Variants in STK31 observed in about 807,000 individuals in gnomAD.
The protein encoded by STK31 is serine/threonine-protein kinase 31.
Under a neutral mutation model 129.7 loss-of-function variants are expected in STK31, and 89 were observed. The observed-to-expected ratio is 0.69, with a 90% confidence interval of 0.58 to 0.82. STK31 has a LOEUF of 0.82. Ranked by LOEUF, STK31 falls within the 40% of genes least tolerant of loss-of-function variation. The pLI is 0.00. For synonymous variants in STK31, 448 were observed against 395.3 expected, an observed-to-expected ratio of 1.13 and a Z score of -1.58; for missense variants, 1,187 against 1,176.4, an observed-to-expected ratio of 1.01 and a Z score of -0.13.
intron 15 of STK31, among the ~76,000 whole-genome samples, chr7:23,773,933 C>A (rs911604070): frequency 7.3e-5 from 11 of 149,678 alleles, no homozygotes; most frequent in Non-Finnish European, 1.3e-4. Flanking sequence ...CTCCCTGCCA[C>A]CCCCCACCCC....
chr7:23,757,072 C>T (rs1450160548), intron 10 of STK31, among the ~76,000 whole-genome samples: 2 of 152,080 alleles, frequency 1.3e-5, no homozygotes, highest in Admixed American at 6.5e-5. Context: ...ATGGTATCAG[C>T]TGTTCTTTGT....
At chr7:23,742,572 A>G (rs541631134) in intron 8 of STK31, among the ~76,000 whole-genome samples, 126 of 152,278 alleles carry the variant, frequency 8.3e-4, no homozygotes, top group African/African-American at 3.0e-3. Flanking sequence ...GGTTTCTCCT[A>G]TAGCCAATGT....
rs193155224 is a variant in STK31, at chr7:23,765,980, G to C, written c.1417-3015G>C. Among the ~76,000 whole-genome samples the C allele has an allele frequency of 2.6e-3, 392 of 152,260 alleles. 2 individuals are homozygous for C. The highest frequency in any genetic ancestry group is 8.8e-3 in the African/African-American group (366 of 41,550). On this transcript the variant is annotated intron_variant, in intron 11 of 23. Coordinates refer to ENST00000355870, the MANE Select transcript of STK31 (RefSeq NM_031414.5). ...TTAGTCACGGGTTATTATAGATATT[G>C]TGTGTGATAGCTCAGTTAAATAGAC... is the stretch of plus-strand genomic sequence containing the variant.
chr7:23,734,064 C>G (rs1215734518), intron 6 of STK31, among the ~76,000 whole-genome samples: 2 of 152,040 alleles, frequency 1.3e-5, no homozygotes, highest in Non-Finnish European at 2.9e-5. Flanking sequence ...TTCCCCACAC[C>G]CCCTATTTCT....
chr7:23,815,015 G>A lies in STK31; in HGVS notation c.2761-129G>A, dbSNP rs1584491800. On this transcript the variant is annotated intron_variant, in intron 22 of 23. Transcript: ENST00000355870. ...GAATGAAAGTGCTTTTACCCTGTAA[G>A]AGAGTTAATGTGCTTTCTTTAAGTA... is the stretch of plus-strand genomic sequence containing the variant. The A allele has an allele frequency of 6.6e-6, 4 of 604,270 alleles. No homozygotes were observed. The Admixed American group carries it at 1.1e-4, about 17-fold the overall frequency. The allele number at this position is 604,270 out of a possible 1,614,324, so 37.4% of individuals were successfully genotyped here. A position where few individuals can be genotyped will look rare whatever the true frequency, so the allele number is the denominator to read the frequency against.
intron 6 of STK31, among the ~76,000 whole-genome samples, chr7:23,731,764 A>G (rs925804148): frequency 1.3e-5 from 2 of 152,208 alleles, no homozygotes; most frequent in Non-Finnish European, 2.9e-5. Flanking sequence ...TAAAAATTAT[A>G]TGTAGGGTAA....
chr7:23,785,973 C>A (rs1206266536), intron 18 of STK31, among the ~76,000 whole-genome samples: 4 of 151,852 alleles, frequency 2.6e-5, no homozygotes, highest in Non-Finnish European at 5.9e-5. Context: ...TGCACATGTA[C>A]CCTAGAACTT....
chr7:23,743,999 A>G (rs1241603335), intron 8 of STK31, among the ~76,000 whole-genome samples: 1 of 151,970 alleles, frequency 6.6e-6, no homozygotes, highest in East Asian at 1.9e-4. Flanking sequence ...AGCTCACTGC[A>G]GCCTCCAACT....
chr7:23,748,972 A>G (rs1340949194), intron 8 of STK31, among the ~76,000 whole-genome samples: 2 of 152,226 alleles, frequency 1.3e-5, no homozygotes, highest in Non-Finnish European at 2.9e-5. Context: ...TATAGATGTT[A>G]ATTATATCCA....
chr7:23,780,869 G>C (rs1263718320), intron 15 of STK31, among the ~76,000 whole-genome samples: 1 of 152,206 alleles, frequency 6.6e-6, no homozygotes, highest in Admixed American at 6.5e-5. Flanking sequence ...AATAAAATGA[G>C]AAGCTGGTTT....
Position 23,814,149 on chromosome 7 carries a change from A to AT in STK31, c.2761-980dup, listed in dbSNP as rs371961794. On this transcript the variant is annotated intron_variant, in intron 22 of 23. Coordinates refer to ENST00000355870, the MANE Select transcript of STK31 (RefSeq NM_031414.5). ...GGGAAACATCAGATCTGGCTCACTT[A>AT]TTTTTTTTTTTTTTTCAGTTGGGAG... Among the ~76,000 whole-genome samples the AT allele has an allele frequency of 1.0e-3, 121 of 119,250 alleles. 4 individuals carry two copies. In the East Asian group the frequency reaches 0.016, roughly 16 times the overall value. The allele number at this position is 119,250 out of a possible 152,430, so 78.2% of individuals were successfully genotyped here. A position where few individuals can be genotyped will look rare whatever the true frequency, so the allele number is the denominator to read the frequency against.
chr7:23,742,895 A>G (rs993290223), intron 8 of STK31, among the ~76,000 whole-genome samples: 6 of 151,274 alleles, frequency 4.0e-5, no homozygotes, highest in African/African-American at 1.5e-4. Context: ...TGTAGTGGGA[A>G]CATTTGATTC....
At chr7:23,823,057 A>G (rs1028175203) in intron 23 of STK31, among the ~76,000 whole-genome samples, 2 of 152,144 alleles carry the variant, frequency 1.3e-5, no homozygotes, top group African/African-American at 2.4e-5. Context: ...CAATAAACGT[A>G]TGTGTGCATG....
At chr7:23,783,974 A>C (rs1791098340) in intron 17 of STK31, among the ~76,000 whole-genome samples, 1 of 152,180 alleles carries the variant, frequency 6.6e-6, no homozygotes, top group East Asian at 1.9e-4. Flanking sequence ...CTGCTATTTC[A>C]AGAGTTAGGA....
At chr7:23,718,223 TA>T (rs1259831710) in intron 4 of STK31, among the ~76,000 whole-genome samples, 1 of 152,190 alleles carries the variant, frequency 6.6e-6, no homozygotes, top group African/African-American at 2.4e-5. Context: ...GGCACTGTAT[TA>T]AGCATTAAGT....
At chr7:23,822,697 C>T (rs893989953) in intron 23 of STK31, among the ~76,000 whole-genome samples, 1 of 152,134 alleles carries the variant, frequency 6.6e-6, no homozygotes, top group Admixed American at 6.6e-5. Context: ...TGGTGTGCTG[C>T]ACCCATTAAC....
chr7:23,794,814 G>C (rs1229592338), intron 22 of STK31, among the ~76,000 whole-genome samples: 2 of 152,184 alleles, frequency 1.3e-5, no homozygotes, highest in African/African-American at 4.8e-5. Context: ...GCTTGAGAGA[G>C]ATGATTTAGA....
At chr7:23,734,356 C>T (rs1297395138) in intron 6 of STK31, among the ~76,000 whole-genome samples, 2 of 151,934 alleles carry the variant, frequency 1.3e-5, no homozygotes, top group African/African-American at 2.4e-5. Context: ...TTATATATTC[C>T]GAAAAAGAAT....
intron 22 of STK31, among the ~76,000 whole-genome samples, chr7:23,800,491 C>T (rs1346719338): frequency 2.0e-5 from 3 of 152,014 alleles, no homozygotes; most frequent in African/African-American, 7.2e-5. Context: ...AACAGAAAAC[C>T]AAATACCTCA....
Sources: gnomAD v4.1 joint callset for allele counts (sites outside exome capture counted in the v4.1 genomes callset) on GRCh38, gnomAD v4.1.1 for gene constraint, MANE v1.5 for transcripts, NCBI Gene and HGNC (gene_info 2026-07-23, HGNC 2026-07-21) for gene names.